TMED4: variants seen among roughly 807,000 people sequenced by gnomAD.
TMED4 encodes transmembrane p24 trafficking protein 4.
TMED4 carries 19 observed loss-of-function variants against 26.5 expected under a neutral mutation model. The ratio of observed to expected loss-of-function variants is 0.72; its 90% confidence interval spans 0.50 to 1.05. The LOEUF (loss-of-function observed/expected upper bound fraction) is 1.05. Ranked by LOEUF, TMED4 falls within the 50% of genes least tolerant of loss-of-function variation. The pLI, the probability that TMED4 is intolerant of heterozygous loss-of-function variation, is 0.00. For missense variants in TMED4, 303 were observed against 302.5 expected, an observed-to-expected ratio of 1.00 and a Z score of -0.01; for synonymous variants, 121 against 119.8, an observed-to-expected ratio of 1.01 and a Z score of -0.07.
chr7:44,581,146 G>A lies in TMED4; in HGVS notation c.481C>T (p.Arg161Cys). The A allele has an allele frequency of 6.2e-7, 1 of 1,614,098 alleles. No homozygotes were observed. Among genetic ancestry groups the A allele is most frequent in the Non-Finnish European group, 8.5e-7 (1 of 1,180,022 alleles). The change falls in exon 4 of 5, where the codon CGC (arginine) becomes TGC (cysteine). Residue 161 changes from arginine (R) to cysteine (C), a missense_variant. Transcript: ENST00000457408. ...DKLTELQLRA[R>C]QLLDQVEQIQ... ...TGTTCCACCTGATCAAGCAACTGGC[G>A]GGCGCGGAGCTGTAGCTCCGTCAGC...
At position 44,577,975 on chromosome 7, in the gene TMED4, G is replaced by A. The variant is rs1452643315; in HGVS notation, c.*1504C>T. ...ACTGAAATAAAATGTCAAGAATGGG[G>A]AACTAATGGTATTAAGTTTTATATA... On this transcript the variant is annotated 3_prime_UTR_variant, in exon 5 of 5. Transcript: ENST00000457408. 1 of 152,064 alleles carries A rather than the reference G, an allele frequency of 6.6e-6. No individual in the cohort carries two copies. Among genetic ancestry groups the A allele is most frequent in the Non-Finnish European group, 1.5e-5 (1 of 68,010 alleles). The allele number at this position is 152,064 out of a possible 1,614,324, so 9.4% of individuals were successfully genotyped here.
Position 44,578,848 on chromosome 7 carries a change from C to T in TMED4, c.*631G>A, listed in dbSNP as rs1488639223. The stretch of plus-strand genomic sequence containing the variant: ...CGCCATTGCACTCCAGCCTGGGCGA[C>T]AAGAGCAAAACTCAAAAAAAAAAAA... On this transcript the variant is annotated 3_prime_UTR_variant, in exon 5 of 5. Transcript: ENST00000457408. 3 of 73,840 alleles carry T rather than the reference C, an allele frequency of 4.1e-5. No homozygotes were observed. Among genetic ancestry groups the T allele is most frequent in the Admixed American group, 2.3e-4 (1 of 4,440 alleles). 4.6% of individuals were successfully genotyped at this position (73,840 alleles called of 1,614,324 possible).
At chr7:44,581,338 C>A in intron 3 of TMED4, 99 bp from the exon 4 acceptor site, 2 of 1,600,002 alleles carry the variant, frequency 1.3e-6, no homozygotes, top group Non-Finnish European at 8.5e-7. Flanking sequence ...CAGAAGGCAA[C>A]ATCTGTCTCC....
intron 4 of TMED4, 76 bp from the exon 5 acceptor site, chr7:44,579,704 T>C: frequency 6.7e-7 from 1 of 1,488,738 alleles, no homozygotes; most frequent in Non-Finnish European, 9.2e-7. Context: ...TGCGTGTAAT[T>C]ACTCAACTCC....
At chr7:44,581,310 T>G in intron 3 of TMED4, 71 bp from the exon 4 acceptor site, 2 of 1,601,208 alleles carry the variant, frequency 1.2e-6, no homozygotes, top group East Asian at 4.5e-5. Context: ...GAACCCACTA[T>G]TGTCCCTGGC....
rs141825040 is a variant in TMED4, at chr7:44,579,616, G to A, written c.547C>T (p.Arg183Cys). ...GTGCTCTCGCTCGTCAGTCGGAAGC[G>A]CTCTTCACGATACTGTGTGGGGCAA... ...EQDYQRYREE[R>C]FRLTSESTNQ... The change falls in exon 5 of 5, where the codon CGC becomes TGC. Residue 183 changes from arginine to cysteine, a missense_variant. Physicochemically the swap from Arg to Cys is radical, Grantham distance 180. Transcript: ENST00000457408. The A allele has an allele frequency of 2.4e-4, 391 of 1,613,598 alleles. No individual in the cohort carries two copies. The highest frequency in any genetic ancestry group is 3.2e-4 in the Non-Finnish European group (382 of 1,179,704).
In TMED4 at chr7:44,582,223, A is replaced by T; in HGVS notation, c.-17T>A. On this transcript the variant is annotated 5_prime_UTR_variant, in exon 1 of 5. Coordinates refer to ENST00000457408, the MANE Select transcript of TMED4 (RefSeq NM_182547.4). The stretch of plus-strand genomic sequence containing the variant: ...ACCTGCCATCGCGCCTCAGCCCCTA[A>T]GCGCCTGCGCACATTTGCGCATCGC... 6.5e-7 allele frequency: 1 copy of T among 1,534,152 alleles called. No individual in the cohort carries two copies. The highest frequency in any genetic ancestry group is 1.2e-5 in the South Asian group (1 of 83,792).
At chr7:44,580,926 C>T in intron 4 of TMED4, 167 bp downstream of exon 4, 1 of 741,032 alleles carries the variant, frequency 1.3e-6, no homozygotes, top group Non-Finnish European at 2.2e-6. Flanking sequence ...CCAGCATGGG[C>T]AACAAGAGTG....
rs1803032575 is a variant in TMED4 at position 44,582,218 on chromosome 7, C to T, written c.-12G>A. 3.3e-6 allele frequency: 5 copies of T among 1,535,178 alleles called. No homozygotes were observed. The highest frequency in any genetic ancestry group is 4.4e-6 in the Non-Finnish European group (5 of 1,144,432). On this transcript the variant is annotated 5_prime_UTR_variant, in exon 1 of 5. Coordinates refer to ENST00000457408, the MANE Select transcript of TMED4 (RefSeq NM_182547.4). ...CCGACACCTGCCATCGCGCCTCAGC[C>T]CCTAAGCGCCTGCGCACATTTGCGC...
chr7:44,579,425 T>G lies in TMED4; in HGVS notation c.*54A>C, dbSNP rs1802910891. ...AAATCCAGGTGGATAAAGGACTGTG[T>G]GGGGAAAGTACCAAATAAATGAGGT... On this transcript the variant is annotated 3_prime_UTR_variant, in exon 5 of 5. Coordinates refer to ENST00000457408, the MANE Select transcript of TMED4 (RefSeq NM_182547.4). 4 of 1,563,562 alleles carry G rather than the reference T, an allele frequency of 2.6e-6. No homozygotes were observed. The highest frequency in any genetic ancestry group is 2.6e-6 in the Non-Finnish European group (3 of 1,146,822).
chr7:44,579,603 G>A lies in TMED4; in HGVS notation c.560C>T (p.Thr187Met), dbSNP rs545808069. 196 of 1,614,068 alleles carry A rather than the reference G, an allele frequency of 1.2e-4. 2 individuals carry two copies. The South Asian group carries it at 1.9e-3, about 15-fold the overall frequency. The change falls in exon 5 of 5, where the codon ACG becomes ATG. Residue 187 changes from threonine to methionine, a missense_variant. Coordinates refer to ENST00000457408, the MANE Select transcript of TMED4 (RefSeq NM_182547.4). The stretch of plus-strand genomic sequence containing the variant: ...GACCCTCTGGTTGGTGCTCTCGCTC[G>A]TCAGTCGGAAGCGCTCTTCACGATA... ...QRYREERFRL[T>M]SESTNQRVLW... is the part of the protein sequence containing the mutation.
At position 44,579,461 on chromosome 7, in the gene TMED4, G is replaced by A; in HGVS notation, c.*18C>T. ...CCAAATAAATGAGGTAAAAAGGAAG[G>A]GTCATACAAAGAGGGCACTACACCA... On this transcript the variant is annotated 3_prime_UTR_variant, in exon 5 of 5. Transcript: ENST00000457408. 2 of 1,607,890 alleles carry A rather than the reference G, an allele frequency of 1.2e-6. No individual in the cohort carries two copies. The highest frequency in any genetic ancestry group is 1.7e-4 in the Middle Eastern group (1 of 6,008).
Position 44,581,110 on chromosome 7 carries a change from CCTT to C in TMED4, c.514_516del (p.Lys172del), listed in dbSNP as rs1802971627. 1 of 1,614,176 alleles carries C rather than the reference CCTT, an allele frequency of 6.2e-7. No individual in the cohort carries two copies. Among genetic ancestry groups the C allele is most frequent in the Non-Finnish European group, 8.5e-7 (1 of 1,180,032 alleles). On this transcript the variant is annotated inframe_deletion, in exon 4 of 5. Coordinates refer to ENST00000457408, the MANE Select transcript of TMED4 (RefSeq NM_182547.4). The stretch of plus-strand genomic sequence containing the variant: ...GCACTTGCCCTTTGGTAATCCTGCT[CCTT>C]CTGAATCTGTTCCACCTGATCAAGC...
At position 44,578,193 on chromosome 7, in the gene TMED4, C is replaced by T. The variant is rs781394538; in HGVS notation, c.*1286G>A. The T allele has an allele frequency of 2.6e-5, 4 of 152,214 alleles. No homozygotes were observed. Among genetic ancestry groups the T allele is most frequent in the Non-Finnish European group, 5.9e-5 (4 of 68,048 alleles). The allele number at this position is 152,214 out of a possible 1,614,324, so 9.4% of individuals were successfully genotyped here. ...CTGTCCAGGCCAAGCCTTAGTACCA[C>T]GAGTCCACAGTGAAGTCCACTCCAG... On this transcript the variant is annotated 3_prime_UTR_variant, in exon 5 of 5. Transcript: ENST00000457408.
chr7:44,579,840 A>G (rs1802924682), intron 4 of TMED4: 3 of 409,262 alleles, frequency 7.3e-6, no homozygotes, highest in Admixed American at 4.1e-5. Context: ...GACTGAAATC[A>G]TGATCCTACC....
In TMED4 at chr7:44,581,321, T is replaced by A. The variant is rs773699976; in HGVS notation, c.388-82A>T. ...TATGGAACCCACTATTGTCCCTGGC[T>A]GTGGAGCAGAAGGCAACATCTGTCT... On this transcript the variant is annotated intron_variant, in intron 3 of 4. Transcript: ENST00000457408. 263 of 1,598,722 alleles carry A rather than the reference T, an allele frequency of 1.6e-4. 1 individual carries two copies. Among genetic ancestry groups the A allele is most frequent in the Non-Finnish European group, 2.2e-4 (260 of 1,169,594 alleles).
Position 44,582,045 on chromosome 7 carries a change from A to C in TMED4, c.160+2T>G, listed in dbSNP as rs1463626318. ...GGCCTCCCCACCCTCAGCCCGCCTG[A>C]CCGATGACCATGGTCTCGTCGGGGA... On this transcript the variant is annotated splice_donor_variant, in intron 1 of 4. Transcript: ENST00000457408. LOFTEE classifies it high-confidence loss of function. 12 of 1,557,022 alleles carry C rather than the reference A, an allele frequency of 7.7e-6. No homozygotes were observed. The highest frequency in any genetic ancestry group is 1.0e-5 in the Non-Finnish European group (12 of 1,149,946).
chr7:44,578,861 C>CAAAAAAAAAAAAAA lies in TMED4; in HGVS notation c.*604_*617dup, dbSNP rs138565143. On this transcript the variant is annotated 3_prime_UTR_variant, in exon 5 of 5. Coordinates refer to ENST00000457408, the MANE Select transcript of TMED4 (RefSeq NM_182547.4). ...CAGCCTGGGCGACAAGAGCAAAACT[C>CAAAAAAAAAAAAAA]AAAAAAAAAAAAAAAAAAAAAAAAG... 3 of 77,524 alleles carry CAAAAAAAAAAAAAA rather than the reference C, an allele frequency of 3.9e-5. No homozygotes were observed. Among genetic ancestry groups the CAAAAAAAAAAAAAA allele is most frequent in the African/African-American group, 5.2e-5 (1 of 19,178 alleles). The allele number at this position is 77,524 out of a possible 1,614,324, so 4.8% of individuals were successfully genotyped here. A position where few individuals can be genotyped will look rare whatever the true frequency, so the allele number is the denominator to read the frequency against.
chr7:44,581,750 G>C lies in TMED4; in HGVS notation c.234C>G (p.His78Gln), dbSNP rs751108186. 6.2e-7 allele frequency: 1 copy of C among 1,614,232 alleles called. No individual in the cohort carries two copies. Among genetic ancestry groups the C allele is most frequent in the Non-Finnish European group, 8.5e-7 (1 of 1,180,038 alleles). The stretch of plus-strand genomic sequence containing the variant: ...TGCCGTCGGGGTCCTTCACTTCCAC[G>C]TGCATGCCCAGGCCAGGGGTCGAGG... Reference protein sequence around the residue: ...FLPSTPGLGMHVEVKDPDGKV... With the variant: ...FLPSTPGLGMQVEVKDPDGKV... The change falls in exon 2 of 5, where the codon CAC (histidine) becomes CAG (glutamine). Residue 78 changes from histidine to glutamine, a missense_variant. By Grantham distance (24) the His-to-Gln change is conservative. Coordinates refer to ENST00000457408, the MANE Select transcript of TMED4 (RefSeq NM_182547.4).
Sources: gnomAD v4.1 joint callset for allele counts on GRCh38, gnomAD v4.1.1 for gene constraint, MANE v1.5 for transcripts, NCBI Gene and HGNC (gene_info 2026-07-23, HGNC 2026-07-21) for gene names.